SDHC: variants seen among roughly 807,000 people sequenced by gnomAD.
SDHC encodes succinate dehydrogenase cytochrome b560 subunit, mitochondrial.
SDHC carries 11 observed loss-of-function variants against 22.6 expected under a neutral mutation model. That is an observed-to-expected ratio of 0.49 (90% confidence interval 0.31 to 0.81). The LOEUF is 0.81. SDHC is among the 30% of genes least tolerant of loss of function. The pLI, the probability that SDHC is intolerant of heterozygous loss-of-function variation, is 0.05. For synonymous variants in SDHC, 80 were observed against 77.8 expected, an observed-to-expected ratio of 1.03 and a Z score of -0.15; for missense variants, 160 against 212.0, an observed-to-expected ratio of 0.75 and a Z score of 1.52.
At chr1:161,341,317 C>T (rs1030184554) in intron 4 of SDHC, among the ~76,000 whole-genome samples, 6 of 152,208 alleles carry the variant, frequency 3.9e-5, no homozygotes, top group Non-Finnish European at 7.3e-5. Flanking sequence ...TTCTTATCAC[C>T]TAGACATGCT....
chr1:161,340,332 G>T, intron 3 of SDHC, among the ~76,000 whole-genome samples: 1 of 149,140 alleles, frequency 6.7e-6, no homozygotes, highest in East Asian at 2.0e-4. Context: ...TGCAAAAGCT[G>T]GTGATTTTTT....
At chr1:161,320,569 T>C (rs1247769359) in intron 1 of SDHC, among the ~76,000 whole-genome samples, 1 of 152,146 alleles carries the variant, frequency 6.6e-6, no homozygotes, top group Non-Finnish European at 1.5e-5. Context: ...TTATTTTCAG[T>C]GGATGAGTAT....
intron 1 of SDHC, chr1:161,314,724 C>G (rs1285189410): frequency 2.1e-6 from 1 of 474,206 alleles, no homozygotes; most frequent in African/African-American, 1.9e-5. Flanking sequence ...GGCCTGCACC[C>G]AGAGCCGAGC....
chr1:161,318,043 G>A (rs577517015), intron 1 of SDHC, among the ~76,000 whole-genome samples: 157 of 151,776 alleles, frequency 1.0e-3, no homozygotes, highest in South Asian at 3.5e-3. Context: ...GTGATGGTGC[G>A]CGCCTGTCGT....
At chr1:161,314,539 G>A in intron 1 of SDHC, 114 bp downstream of exon 1, 1 of 1,315,438 alleles carries the variant, frequency 7.6e-7, no homozygotes, top group Non-Finnish European at 1.1e-6. Flanking sequence ...AAGGACCCAT[G>A]GGTGTGGAGG....
At chr1:161,328,263 A>G in intron 2 of SDHC, 133 bp from the exon 3 acceptor site, 5 of 754,912 alleles carry the variant, frequency 6.6e-6, no homozygotes, top group South Asian at 2.8e-5. Flanking sequence ...CGGCCTCCCA[A>G]AGAGCTGAGA....
intron 1 of SDHC, among the ~76,000 whole-genome samples, chr1:161,320,575 A>G (rs1265453099): frequency 6.6e-6 from 1 of 152,096 alleles, no homozygotes; most frequent in African/African-American, 2.4e-5. Flanking sequence ...TCAGTGGATG[A>G]GTATTTTTGT....
At chr1:161,332,628 TTTTC>T (rs553600221) in intron 3 of SDHC, among the ~76,000 whole-genome samples, 4,084 of 150,566 alleles carry the variant, frequency 0.027, 96 homozygotes, top group Non-Finnish European at 0.037. Context: ...AATATTTTCT[TTTTC>T]TTTCTTTTTT....
intron 2 of SDHC, chr1:161,326,582 A>G (rs1208844429): frequency 1.5e-5 from 2 of 134,654 alleles, no homozygotes; most frequent in African/African-American, 5.4e-5. Context: ...TATATATATT[A>G]GGTCTTTAAG....
At chr1:161,314,511 C>T (rs2102272403) in intron 1 of SDHC, 86 bp downstream of exon 1, 2 of 1,519,822 alleles carry the variant, frequency 1.3e-6, no homozygotes, top group East Asian at 4.5e-5. Flanking sequence ...AACTGTTTAT[C>T]CTGTGCCTGG....
intron 3 of SDHC, among the ~76,000 whole-genome samples, chr1:161,330,039 A>G (rs1463336733): frequency 1.3e-5 from 2 of 152,198 alleles, no homozygotes; most frequent in African/African-American, 2.4e-5. Context: ...TTTGTGATAT[A>G]AGATAATATA....
At chr1:161,332,111 G>A (rs1191667581) in intron 3 of SDHC, among the ~76,000 whole-genome samples, 1 of 151,996 alleles carries the variant, frequency 6.6e-6, no homozygotes, top group Non-Finnish European at 1.5e-5. Flanking sequence ...CTGAGTAGCT[G>A]GGACTACAGG....
intron 4 of SDHC, among the ~76,000 whole-genome samples, chr1:161,340,875 G>C (rs1671696762): frequency 6.6e-6 from 1 of 152,042 alleles, no homozygotes; most frequent in African/African-American, 2.4e-5. Flanking sequence ...ACAGAGTCTT[G>C]CTCTTTTGCC....
chr1:161,337,933 A>T (rs4463689), intron 3 of SDHC, among the ~76,000 whole-genome samples: 17,830 of 152,228 alleles, frequency 0.12, 1,421 homozygotes, highest in African/African-American at 0.22. Flanking sequence ...CTTTGACAAG[A>T]AAAATAATTG....
intron 4 of SDHC, among the ~76,000 whole-genome samples, chr1:161,352,569 T>G (rs1296287947): frequency 2.0e-5 from 3 of 152,232 alleles, no homozygotes; most frequent in Non-Finnish European, 4.4e-5. Flanking sequence ...TTATGTTTTT[T>G]GTTTAAGGAC....
chr1:161,340,591 C>T lies in SDHC; in HGVS notation c.180-3C>T, dbSNP rs1328389180. The T allele has an allele frequency of 6.2e-7, 1 of 1,612,934 alleles. No homozygotes were observed. Among genetic ancestry groups the T allele is most frequent in the Admixed American group, 1.7e-5 (1 of 60,010 alleles). ...AAAATTGTCTTTGTGTGTTTCTTTA[C>T]AGTTGGTCTCTTCCCATGGCGATGT... On this transcript the variant is annotated splice_polypyrimidine_tract_variant and splice_region_variant and intron_variant, in intron 3 of 5. Coordinates refer to ENST00000367975, the MANE Select transcript of SDHC (RefSeq NM_003001.5).
chr1:161,323,743 T>G lies in SDHC; in HGVS notation c.77+73T>G, dbSNP rs1443674631. ...CGGAGTCTCGCTCTGTCACCCAGGC[T>G]GGAGTGCAATGGCGCGATCTCGGCT... On this transcript the variant is annotated intron_variant, in intron 2 of 5. Coordinates refer to ENST00000367975, the MANE Select transcript of SDHC (RefSeq NM_003001.5). The G allele has an allele frequency of 1.1e-5, 12 of 1,134,832 alleles. No individual in the cohort carries two copies. In the East Asian group the frequency reaches 3.1e-4, roughly 29 times the overall value. 70.3% of individuals were successfully genotyped at this position (1,134,832 alleles called of 1,614,324 possible). A position where few individuals can be genotyped will look rare whatever the true frequency, so the allele number is the denominator to read the frequency against.
At chr1:161,320,741 G>T (rs1054764329) in intron 1 of SDHC, among the ~76,000 whole-genome samples, 36 of 151,912 alleles carry the variant, frequency 2.4e-4, no homozygotes, top group African/African-American at 8.7e-4. Flanking sequence ...AATAAGGTAG[G>T]TATTATCAAT....
intron 1 of SDHC, among the ~76,000 whole-genome samples, chr1:161,317,160 A>G (rs1670646955): frequency 6.6e-6 from 1 of 151,708 alleles, no homozygotes; most frequent in Admixed American, 6.6e-5. Flanking sequence ...ATGGGATTAC[A>G]GCAGGGGTCT....
Sources: allele counts gnomAD v4.1 joint callset (sites outside exome capture counted in the v4.1 genomes callset), GRCh38; gene constraint gnomAD v4.1.1; transcripts MANE v1.5; gene names NCBI Gene and HGNC (gene_info 2026-07-23, HGNC 2026-07-21).